The following FUT8 variants were observed in gnomAD, a reference collection of about 807,000 sequenced individuals.
The protein encoded by FUT8 is alpha-(1,6)-fucosyltransferase.
In FUT8, 29 loss-of-function variants were observed where a neutral mutation model predicts 71.3. That is an observed-to-expected ratio of 0.41 (90% confidence interval 0.30 to 0.55). The LOEUF (loss-of-function observed/expected upper bound fraction) is 0.55. FUT8 is among the 20% of genes least tolerant of loss of function. The probability of loss-of-function intolerance (pLI) is 0.34; values close to 1 mark genes in which losing one functional copy is unlikely to be tolerated. For missense variants in FUT8, 544 were observed against 702.1 expected (o/e 0.77, Z 2.55); for synonymous variants, 254 against 239.3 (o/e 1.06, Z -0.57).
chr14:65,358,394 C>T, the FUT8 span, among the ~76,000 whole-genome samples: 3 of 152,020 alleles, frequency 2.0e-5, no homozygotes, highest in Non-Finnish European at 4.4e-5. Flanking sequence ...TTTTTAATAA[C>T]AATTATCACA....
intron 7 of FUT8, among the ~76,000 whole-genome samples, chr14:65,677,151 TGCGCGCGC>T (rs1555383259): frequency 9.0e-6 from 1 of 110,702 alleles, no homozygotes; most frequent in African/African-American, 3.8e-5. Context: ...TGTGTGTGTG[TGCGCGCGC>T]GCATGCGCGC....
intron 2 of FUT8, among the ~76,000 whole-genome samples, chr14:65,508,892 T>C (rs1882145434): frequency 6.6e-6 from 1 of 152,182 alleles, no homozygotes; most frequent in African/African-American, 2.4e-5. Flanking sequence ...TGTTTGTTGC[T>C]TGTTTACTTT....
At chr14:65,508,420 G>T (rs547233682) in intron 2 of FUT8, among the ~76,000 whole-genome samples, 1,785 of 139,736 alleles carry the variant, frequency 0.013, 14 homozygotes, top group Middle Eastern at 0.027. Context: ...TTTTTTTTTT[G>T]AAAATGTCTG....
At chr14:65,642,352 CAGCATTTTGGG>C (rs897635809) in intron 6 of FUT8, among the ~76,000 whole-genome samples, 4 of 152,114 alleles carry the variant, frequency 2.6e-5, no homozygotes, top group African/African-American at 9.7e-5. Context: ...CCTGTAATCT[CAGCATTTTGGG>C]AGTCTGAGGT....
intron 7 of FUT8, among the ~76,000 whole-genome samples, chr14:65,675,684 G>C (rs1892678525): frequency 6.6e-6 from 1 of 152,072 alleles, no homozygotes; most frequent in South Asian, 2.1e-4. Context: ...CGTTTGACCA[G>C]AGCACATTAG....
At chr14:65,677,143 TGTGTGTGTGCGC>T (rs1269146552) in intron 7 of FUT8, among the ~76,000 whole-genome samples, 3 of 111,254 alleles carry the variant, frequency 2.7e-5, no homozygotes, top group African/African-American at 9.9e-5. Context: ...TGTGTGTGTG[TGTGTGTGTGCGC>T]GCGCGCATGC....
Position 65,439,954 on chromosome 14 carries a change from G to GTGTGTGTATATATATATA in FUT8, c.-325-15666_-325-15665insGTGTGTATATATATATAT. The stretch of plus-strand genomic sequence containing the variant: ...ATAAAGAAAATGTGTGTGTGTGTGT[G>GTGTGTGTATATATATATA]TATATATATATATATATATATATAT... On this transcript the variant is annotated intron_variant, in intron 1 of 10. Coordinates refer to ENST00000673929, the MANE Select transcript of FUT8 (RefSeq NM_001371533.1). Among the ~76,000 whole-genome samples, 91 of 74,932 alleles carry GTGTGTGTATATATATATA rather than the reference G, an allele frequency of 1.2e-3. 3 individuals are homozygous for GTGTGTGTATATATATATA. Among genetic ancestry groups the GTGTGTGTATATATATATA allele is most frequent in the South Asian group, 2.4e-3 (4 of 1,686 alleles). The allele number at this position is 74,932 out of a possible 152,430, so 49.2% of individuals were successfully genotyped here. A position where few individuals can be genotyped will look rare whatever the true frequency, so the allele number is the denominator to read the frequency against.
At chr14:65,463,401 C>T (rs77173158) in intron 2 of FUT8, among the ~76,000 whole-genome samples, 2,074 of 152,090 alleles carry the variant, frequency 0.014, 43 homozygotes, top group East Asian at 0.093. Flanking sequence ...TGAGTTGCTG[C>T]GATTGCAGGT....
intron 2 of FUT8, among the ~76,000 whole-genome samples, chr14:65,486,123 T>C (rs1358262291): frequency 6.6e-6 from 1 of 152,232 alleles, no homozygotes. Flanking sequence ...GTTTGAAAAT[T>C]ACAATTTCTT....
chr14:65,716,368 T>A (rs1274617274), intron 7 of FUT8, among the ~76,000 whole-genome samples: 1 of 151,534 alleles, frequency 6.6e-6, no homozygotes, highest in Non-Finnish European at 1.5e-5. Flanking sequence ...CATTATATAG[T>A]GACCTTCTTT....
At chr14:65,716,094 G>A (rs1895045156) in intron 7 of FUT8, among the ~76,000 whole-genome samples, 1 of 152,158 alleles carries the variant, frequency 6.6e-6, no homozygotes, top group Admixed American at 6.5e-5. Context: ...AGAAGAATGT[G>A]TATTCTGCAG....
intron 3 of FUT8, among the ~76,000 whole-genome samples, chr14:65,567,428 A>G (rs1886253448): frequency 6.6e-6 from 1 of 151,946 alleles, no homozygotes; most frequent in Non-Finnish European, 1.5e-5. Flanking sequence ...TTCACAGGTC[A>G]TGTTTTACTG....
At chr14:65,530,962 A>G (rs1011951612) in intron 2 of FUT8, among the ~76,000 whole-genome samples, 6 of 147,162 alleles carry the variant, frequency 4.1e-5, no homozygotes, top group African/African-American at 1.5e-4. Flanking sequence ...TTTTATTGGT[A>G]AAAAGTATGG....
chr14:65,534,637 C>T (rs1189000291), intron 2 of FUT8, among the ~76,000 whole-genome samples: 3 of 141,372 alleles, frequency 2.1e-5, no homozygotes, highest in African/African-American at 7.8e-5. Context: ...TCAGTTTCTT[C>T]CTGGTTCAGT....
At chr14:65,685,499 G>C (rs545825744) in intron 7 of FUT8, among the ~76,000 whole-genome samples, 20 of 152,254 alleles carry the variant, frequency 1.3e-4, no homozygotes, top group African/African-American at 4.8e-4. Flanking sequence ...CCCAAGAGAG[G>C]GTTCTTGGAT....
chr14:65,665,274 T>C (rs561994924), intron 6 of FUT8, among the ~76,000 whole-genome samples: 13 of 152,312 alleles, frequency 8.5e-5, no homozygotes, highest in Admixed American at 2.6e-4. Flanking sequence ...AGTTTTTCTT[T>C]TAAGATAATT....
intron 3 of FUT8, among the ~76,000 whole-genome samples, chr14:65,588,177 C>T (rs530974735): frequency 6.6e-6 from 1 of 152,164 alleles, no homozygotes; most frequent in Non-Finnish European, 1.5e-5. Flanking sequence ...CCCTTTTCAT[C>T]TTCATTTCCT....
At chr14:65,406,290 C>T (rs563015315), upstream of FUT8, among the ~76,000 whole-genome samples, 4 of 152,266 alleles carry the variant, frequency 2.6e-5, no homozygotes, top group South Asian at 6.2e-4. Context: ...GGACATCATC[C>T]CTTCTTATAG....
upstream of FUT8, among the ~76,000 whole-genome samples, chr14:65,407,494 G>A (rs965806781): frequency 1.3e-5 from 2 of 152,112 alleles, no homozygotes; most frequent in African/African-American, 4.8e-5. Flanking sequence ...AGAGACAGGG[G>A]TCTTGCTATG....
Sources: gnomAD v4.1 joint callset for allele counts (sites outside exome capture counted in the v4.1 genomes callset) on GRCh38, gnomAD v4.1.1 for gene constraint, MANE v1.5 for transcripts, NCBI Gene and HGNC (gene_info 2026-07-23, HGNC 2026-07-21) for gene names.